Variants in MUC22 observed in about 807,000 individuals in gnomAD.
MUC22 encodes the protein mucin-22.
MUC22 carries 24 observed loss-of-function variants against 40.3 expected under a neutral mutation model. The ratio of observed to expected loss-of-function variants is 0.60; its 90% CI spans 0.43 to 0.84. The LOEUF is 0.84. Ranked by LOEUF, MUC22 falls within the 40% of genes least tolerant of loss-of-function variation. The probability of loss-of-function intolerance (pLI) is 0.00; values close to 1 mark genes in which losing one functional copy is unlikely to be tolerated. For missense variants in MUC22, 1,926 were observed against 2,130.7 expected (o/e 0.90, Z 1.89); for synonymous variants, 765 against 844.5 (o/e 0.91, Z 1.63).
Position 31,032,136 on chromosome 6 carries a change from C to G in MUC22, c.4670-60C>G. On this transcript the variant is annotated intron_variant, in intron 2 of 3. Coordinates refer to ENST00000561890, the Ensembl canonical transcript of MUC22. This position sits in a 1 kb window ranked among gnomAD's most constrained non-coding sequence, Gnocchi z 4.1. ...TTCACCCTCCTCTGGTCTAAGCACC[C>G]CCATTCCCCTTTAATCATCTCTGCT... 6.7e-7 allele frequency: 1 copy of G among 1,482,976 alleles called. No homozygotes were observed. Among genetic ancestry groups the G allele is most frequent in the Non-Finnish European group, 8.9e-7 (1 of 1,118,808 alleles). 91.9% of individuals were successfully genotyped at this position (1,482,976 alleles called of 1,614,324 possible).
chr6:31,027,468 C>T (rs1765516203), exon 2 of MUC22: 4 of 1,528,900 alleles, frequency 2.6e-6, no homozygotes, highest in Non-Finnish European at 3.5e-6. Flanking sequence ...CTGCAGTCTC[C>T]ACCACAGTCT....
rs60862824 is a variant in MUC22 at position 31,013,230 on chromosome 6, G to A, written c.70+2454G>A. Among the ~76,000 whole-genome samples, 115 of 150,370 alleles carry A rather than the reference G, an allele frequency of 7.6e-4. 1 individual carries two copies. The highest frequency in any genetic ancestry group is 2.7e-3 in the African/African-American group (112 of 41,080). On this transcript the variant is annotated intron_variant, in intron 1 of 3. Transcript: ENST00000561890. ...CAACCTCTGCCTCCCAGGTTCAAGC[G>A]ATTCTCCTGCCTCAGCCTCCTGAGT...
intron 1 of MUC22, among the ~76,000 whole-genome samples, chr6:31,023,844 A>G (rs1268597395): frequency 6.6e-6 from 1 of 152,176 alleles, no homozygotes; most frequent in Non-Finnish European, 1.5e-5. Flanking sequence ...GTATATTATT[A>G]GGGATAAAGA....
chr6:31,023,493 C>T (rs1055591560), intron 1 of MUC22, among the ~76,000 whole-genome samples: 2 of 151,988 alleles, frequency 1.3e-5, no homozygotes, highest in African/African-American at 2.4e-5. Context: ...TGCAGTCAGC[C>T]GTGATTGTGC....
At chr6:31,028,414 A>T (rs1765644805) in exon 2 of MUC22, 1 of 1,531,952 alleles carries the variant, frequency 6.5e-7, no homozygotes, top group African/African-American at 1.4e-5. Context: ...CTCCGAGACC[A>T]CCACAGCCTC....
Position 31,027,517 on chromosome 6 carries a change from AC to A in MUC22, c.2087del (p.Thr696LysfsTer2). 2 of 1,530,668 alleles carry A rather than the reference AC, an allele frequency of 1.3e-6. No homozygotes were observed. Among genetic ancestry groups the A allele is most frequent in the Non-Finnish European group, 8.7e-7 (1 of 1,144,310 alleles). The allele number at this position is 1,530,668 out of a possible 1,614,324, so 94.8% of individuals were successfully genotyped here. ...AGCCTCTACTGAAGGCTCTGAGATC[AC>A]AATAGCCTCTACTTCAGACTCTGAG... On this transcript the variant is annotated frameshift_variant, in exon 2 of 4. Coordinates refer to ENST00000561890, the Ensembl canonical transcript of MUC22. LOFTEE classifies it high-confidence loss of function.
intron 1 of MUC22, among the ~76,000 whole-genome samples, chr6:31,020,210 T>A (rs1632870): frequency 6.6e-6 from 1 of 152,062 alleles, no homozygotes; most frequent in Non-Finnish European, 1.5e-5. Context: ...AATCCTAGAA[T>A]GAGCTAGAAA....
At position 31,017,149 on chromosome 6, in the gene MUC22, C is replaced by T. The variant is rs571318268; in HGVS notation, c.70+6373C>T. Reference sequence around the variant, plus strand: ...GCGCTGCCCCTTGCTTTGCGGCACCCGGTCCCATAGACTGCCCAAGGGCTG... The same window carrying T: ...GCGCTGCCCCTTGCTTTGCGGCACCTGGTCCCATAGACTGCCCAAGGGCTG... On this transcript the variant is annotated intron_variant, in intron 1 of 3. Transcript: ENST00000561890. Among the ~76,000 whole-genome samples the T allele has an allele frequency of 4.2e-4, 64 of 152,360 alleles. 14 individuals carry two copies. The highest frequency in any genetic ancestry group is 3.9e-3 in the Admixed American group (59 of 15,308).
At position 31,027,438 on chromosome 6, in the gene MUC22, T is replaced by C. The variant is rs148715595; in HGVS notation, c.2007T>C (p.Cys669=). The stretch of plus-strand genomic sequence containing the variant: ...CAGACTCAGAGACCACCACCACCTG[T>C]ACTGAAGGCTCTGAGATGACTGCAG... Residue 669 remains cysteine (C), a synonymous_variant, in exon 2 of 4, where the codon TGT becomes TGC. Transcript: ENST00000561890. The C allele has an allele frequency of 2.4e-4, 361 of 1,529,912 alleles. 4 individuals carry two copies. The Admixed American group carries it at 7.0e-3, about 30-fold the overall frequency. 94.8% of individuals were successfully genotyped at this position (1,529,912 alleles called of 1,614,324 possible). A position where few individuals can be genotyped will look rare whatever the true frequency, so the allele number is the denominator to read the frequency against.
chr6:31,026,861 C>T, exon 2 of MUC22: 2 of 1,493,594 alleles, frequency 1.3e-6, no homozygotes, highest in Non-Finnish European at 1.8e-6. Flanking sequence ...TCTGAGACGA[C>T]TGCAGCCTCC....
chr6:31,008,676 G>C (rs1282797197), upstream of MUC22, among the ~76,000 whole-genome samples: 1 of 150,146 alleles, frequency 6.7e-6, no homozygotes, highest in Non-Finnish European at 1.5e-5. Context: ...AGCCTCCCAA[G>C]TAGCTGGGAT....
At chr6:31,035,068 G>A (rs1343083312) in exon 4 of MUC22, 5 of 959,552 alleles carry the variant, frequency 5.2e-6, no homozygotes, top group East Asian at 5.3e-5. Flanking sequence ...AAAAAATAAT[G>A]ATCATGAAAT....
At chr6:31,022,800 A>G (rs1764973475) in intron 1 of MUC22, among the ~76,000 whole-genome samples, 1 of 152,072 alleles carries the variant, frequency 6.6e-6, no homozygotes, top group Non-Finnish European at 1.5e-5. Context: ...TAAGAATGAT[A>G]TTTAATAAGC....
At position 31,021,329 on chromosome 6, in the gene MUC22, C is replaced by T. The variant is rs571367081; in HGVS notation, c.71-4173C>T. On this transcript the variant is annotated intron_variant, in intron 1 of 3. Coordinates refer to ENST00000561890, the Ensembl canonical transcript of MUC22. ...CTGCTCTGGTAGGGCCTTGGAGAAC[C>T]TTTATGTCTAGCTCAGGGATTGTAA... Among the ~76,000 whole-genome samples the T allele has an allele frequency of 1.7e-4, 26 of 151,990 alleles. 1 individual carries two copies. In the South Asian group the frequency reaches 4.8e-3, roughly 28 times the overall value.
intron 1 of MUC22, among the ~76,000 whole-genome samples, chr6:31,021,875 C>T (rs975610179): frequency 2.6e-5 from 4 of 151,186 alleles, no homozygotes; most frequent in Admixed American, 1.3e-4. Flanking sequence ...AAACTTTGTT[C>T]TTTTGCTCTT....
intron 1 of MUC22, among the ~76,000 whole-genome samples, chr6:31,021,925 C>G (rs72502534): frequency 0.12 from 18,162 of 152,026 alleles, 1,273 homozygotes; most frequent in African/African-American, 0.17. Context: ...TGGGTCTACA[C>G]TGTTTTTATG....
chr6:31,027,547 A>G, exon 2 of MUC22: 1 of 1,528,560 alleles, frequency 6.5e-7, no homozygotes, highest in Non-Finnish European at 8.7e-7. Context: ...CTCTGAGACC[A>G]CCACAGCTTC....
At chr6:31,009,156 T>TA (rs1763706650), upstream of MUC22, among the ~76,000 whole-genome samples, 1 of 152,244 alleles carries the variant, frequency 6.6e-6, no homozygotes, top group African/African-American at 2.4e-5. Flanking sequence ...AATTGAGGCT[T>TA]AAAATATATG....
intron 1 of MUC22, among the ~76,000 whole-genome samples, chr6:31,025,010 T>C (rs750656362): frequency 6.6e-6 from 1 of 151,822 alleles, no homozygotes; most frequent in African/African-American, 2.4e-5. Context: ...GCTGGGATTA[T>C]AGGCATGCGC....
Sources: gnomAD v4.1 joint callset for allele counts (sites outside exome capture counted in the v4.1 genomes callset) on GRCh38, gnomAD v4.1.1 for gene constraint, Gnocchi (gnomAD v3.1) non-coding constraint, MANE v1.5 for transcripts, NCBI Gene and HGNC (gene_info 2026-07-23, HGNC 2026-07-21) for gene names.